Variants in MTA3 observed in about 807,000 individuals in gnomAD.
The protein encoded by MTA3 is metastasis-associated protein MTA3.
A neutral mutation model predicts 83.5 loss-of-function variants in MTA3; 34 were observed. The ratio of observed to expected loss-of-function variants is 0.41; its 90% confidence interval spans 0.31 to 0.54. The LOEUF (loss-of-function observed/expected upper bound fraction) is 0.54. Ranked by LOEUF, MTA3 falls within the 20% of genes least tolerant of loss-of-function variation. The probability of loss-of-function intolerance (pLI) is 0.33; values close to 1 mark genes in which losing one functional copy is unlikely to be tolerated. For missense variants in MTA3, 761 were observed against 726.4 expected (o/e 1.05, Z -0.55); for synonymous variants, 303 against 252.7 (o/e 1.20, Z -1.89).
At chr2:42,710,213 C>T (rs2104511607) in intron 14 of MTA3, among the ~76,000 whole-genome samples, 1 of 152,208 alleles carries the variant, frequency 6.6e-6, no homozygotes, top group South Asian at 2.1e-4. Context: ...AGTTGAAAGG[C>T]TTTAAAACTT....
chr2:42,729,172 C>T (rs747510595), intron 16 of MTA3, among the ~76,000 whole-genome samples: 1 of 136,016 alleles, frequency 7.4e-6, no homozygotes, highest in Non-Finnish European at 1.5e-5. Context: ...CGGCTCACTG[C>T]AAGCTCTACC....
At chr2:42,646,787 CGAAG>C (rs1688230566) in intron 6 of MTA3, among the ~76,000 whole-genome samples, 1 of 152,020 alleles carries the variant, frequency 6.6e-6, no homozygotes, top group African/African-American at 2.4e-5. Context: ...GAAATGGCAA[CGAAG>C]GATTTGGAAT....
At chr2:42,570,986 C>T (rs1001318520) in intron 2 of MTA3, among the ~76,000 whole-genome samples, 10 of 151,510 alleles carry the variant, frequency 6.6e-5, no homozygotes, top group African/African-American at 2.4e-4. Flanking sequence ...GCACCCTAGC[C>T]TGGGCAATGA....
intron 2 of MTA3, among the ~76,000 whole-genome samples, chr2:42,540,108 A>T (rs1180822525): frequency 1.3e-5 from 2 of 150,840 alleles, no homozygotes; most frequent in Non-Finnish European, 2.9e-5. Flanking sequence ...AATCACCAGG[A>T]GTTGAGTCAG....
intron 2 of MTA3, among the ~76,000 whole-genome samples, chr2:42,525,497 T>TCCTTCCTTCC (rs1230802497): frequency 6.8e-6 from 1 of 147,632 alleles, no homozygotes; most frequent in Non-Finnish European, 1.5e-5. Context: ...CTTCCTTCCT[T>TCCTTCCTTCC]CCTTCCTTCC....
chr2:42,597,195 A>G (rs1327570481), intron 3 of MTA3, among the ~76,000 whole-genome samples: 1 of 151,802 alleles, frequency 6.6e-6, no homozygotes, highest in East Asian at 1.9e-4. Context: ...TAGAGGCATG[A>G]GCCACTACAC....
intron 11 of MTA3, among the ~76,000 whole-genome samples, chr2:42,701,646 T>TA (rs1665569439): frequency 1.3e-5 from 2 of 152,062 alleles, no homozygotes; most frequent in African/African-American, 2.4e-5. Context: ...CTGGGCACAG[T>TA]GACTTACGCC....
intron 4 of MTA3, among the ~76,000 whole-genome samples, chr2:42,620,246 G>A (rs758082205): frequency 6.6e-5 from 10 of 151,482 alleles, no homozygotes; most frequent in Non-Finnish European, 1.3e-4. Context: ...AGCCTCCCGA[G>A]TAGCTGGAAT....
At chr2:42,498,593 G>A (rs962982096) in intron 2 of MTA3, among the ~76,000 whole-genome samples, 1 of 152,114 alleles carries the variant, frequency 6.6e-6, no homozygotes, top group Admixed American at 6.6e-5. Flanking sequence ...AACATACATC[G>A]TGTTCACTTT....
intron 2 of MTA3, among the ~76,000 whole-genome samples, chr2:42,572,079 C>A (rs1678551989): frequency 6.6e-6 from 1 of 151,840 alleles, no homozygotes; most frequent in South Asian, 2.1e-4. Context: ...AGATCGAGAC[C>A]ATCCTGGCTA....
At chr2:42,720,821 G>A (rs892560374) in intron 15 of MTA3, among the ~76,000 whole-genome samples, 2 of 151,726 alleles carry the variant, frequency 1.3e-5, no homozygotes, top group Non-Finnish European at 2.9e-5. Flanking sequence ...GGTGGTGCGT[G>A]CCTGTGGTCC....
intron 3 of MTA3, among the ~76,000 whole-genome samples, chr2:42,604,690 G>T (rs1456831875): frequency 7.3e-6 from 1 of 136,838 alleles, no homozygotes; most frequent in Non-Finnish European, 1.5e-5. Flanking sequence ...ATAAGCAAGT[G>T]AACAAAGGTC....
At chr2:42,557,442 T>G (rs1677451280) in intron 2 of MTA3, among the ~76,000 whole-genome samples, 1 of 152,110 alleles carries the variant, frequency 6.6e-6, no homozygotes. Context: ...AATGACAGGT[T>G]TTGGCTGGAC....
chr2:42,559,832 A>C, intron 2 of MTA3, among the ~76,000 whole-genome samples: 1 of 148,090 alleles, frequency 6.8e-6, no homozygotes, highest in East Asian at 2.1e-4. Flanking sequence ...GGTGCGGTGG[A>C]GGTTGCAGTA....
chr2:42,678,943 A>G (rs1020515448), intron 8 of MTA3, among the ~76,000 whole-genome samples: 2 of 152,188 alleles, frequency 1.3e-5, no homozygotes, highest in African/African-American at 4.8e-5. Context: ...ATAAGAAATG[A>G]TCTTTCACAT....
At chr2:42,546,377 G>A (rs1371831681) in intron 2 of MTA3, among the ~76,000 whole-genome samples, 1 of 152,116 alleles carries the variant, frequency 6.6e-6, no homozygotes, top group Non-Finnish European at 1.5e-5. Flanking sequence ...GGATGTCCTT[G>A]TCTGCTCTAC....
intron 2 of MTA3, among the ~76,000 whole-genome samples, chr2:42,501,641 TAC>T (rs1674398933): frequency 6.6e-6 from 1 of 152,150 alleles, no homozygotes; most frequent in Non-Finnish European, 1.5e-5. Flanking sequence ...AGGCATTTAT[TAC>T]AGAGTGCCAA....
intron 15 of MTA3, among the ~76,000 whole-genome samples, chr2:42,720,274 C>G (rs574454034): frequency 8.5e-5 from 13 of 152,170 alleles, no homozygotes; most frequent in Non-Finnish European, 7.4e-5. Context: ...GCTCCGCCTC[C>G]CAGGTTCACG....
At chr2:42,559,688 G>A (rs944578794) in intron 2 of MTA3, among the ~76,000 whole-genome samples, 4 of 151,024 alleles carry the variant, frequency 2.6e-5, no homozygotes, top group African/African-American at 7.3e-5. Flanking sequence ...AGACCAGCCT[G>A]ACCAACATGG....
Sources: allele counts gnomAD v4.1 joint callset (sites outside exome capture counted in the v4.1 genomes callset), GRCh38; gene constraint gnomAD v4.1.1; transcripts MANE v1.5; gene names NCBI Gene and HGNC (gene_info 2026-07-23, HGNC 2026-07-21).